RUSC2: variants seen among roughly 807,000 people sequenced by gnomAD.
RUSC2 encodes the protein RUN and SH3 domain containing 2, also known as AP-4 complex accessory subunit RUSC2.
A neutral mutation model predicts 122.2 loss-of-function variants in RUSC2; 34 were observed. The ratio of observed to expected loss-of-function variants is 0.28; its 90% CI spans 0.21 to 0.37. The LOEUF is 0.37. Among genes scored for constraint, RUSC2 ranks in the 10% least tolerant of loss-of-function variants. The pLI is 1.00. For missense variants in RUSC2, 1,747 were observed against 1,952.4 expected, an observed-to-expected ratio of 0.89 and a Z score of 1.98; for synonymous variants, 784 against 790.0, an observed-to-expected ratio of 0.99 and a Z score of 0.13.
rs1822055036 is a variant in RUSC2 at position 35,557,810 on chromosome 9, G to A, written c.2984-104G>A. ...ACCCATGTGCAGATGTGGAGACGGA[G>A]TAAGTGTGGGAGCCCTTTCCCTGAG... On this transcript the variant is annotated intron_variant, in intron 5 of 11. Coordinates refer to ENST00000361226, the MANE Select transcript of RUSC2 (RefSeq NM_014806.5). This position sits in a 1 kb window ranked among gnomAD's most constrained non-coding sequence, Gnocchi z 4.6. The A allele has an allele frequency of 3.4e-6, 3 of 890,214 alleles. No individual in the cohort carries two copies. Among genetic ancestry groups the A allele is most frequent in the Admixed American group, 1.7e-5 (1 of 57,868 alleles). 55.1% of individuals were successfully genotyped at this position (890,214 alleles called of 1,614,324 possible). A position where few individuals can be genotyped will look rare whatever the true frequency, so the allele number is the denominator to read the frequency against.
At chr9:35,517,067 A>C (rs1370778468) in intron 1 of RUSC2, among the ~76,000 whole-genome samples, 1 of 152,252 alleles carries the variant, frequency 6.6e-6, no homozygotes, top group African/African-American at 2.4e-5. Context: ...AATTTTAAAA[A>C]GATGTGGCAG....
At chr9:35,535,534 CTTT>C (rs1174623935) in intron 1 of RUSC2, among the ~76,000 whole-genome samples, 4 of 130,110 alleles carry the variant, frequency 3.1e-5, no homozygotes, top group Admixed American at 7.9e-5. Context: ...AGGAGCTTCT[CTTT>C]TTTTTTTTTT....
At chr9:35,496,877 T>C (rs1304314664) in intron 1 of RUSC2, among the ~76,000 whole-genome samples, 1 of 152,174 alleles carries the variant, frequency 6.6e-6, no homozygotes, top group African/African-American at 2.4e-5. Context: ...CAAAAGACAG[T>C]TATGTTTTTG....
At chr9:35,495,085 T>C (rs186205971) in intron 1 of RUSC2, among the ~76,000 whole-genome samples, 3,139 of 76,264 alleles carry the variant, frequency 0.041, 100 homozygotes, top group Non-Finnish European at 0.058. Flanking sequence ...ATATAGTATA[T>C]ATTATATATA....
At chr9:35,498,771 G>A (rs1820767110) in intron 1 of RUSC2, among the ~76,000 whole-genome samples, 1 of 149,886 alleles carries the variant, frequency 6.7e-6, no homozygotes, top group South Asian at 2.1e-4. Flanking sequence ...TAAGGCAGGG[G>A]AATCACTTGA....
chr9:35,510,384 A>G (rs1237764390), intron 1 of RUSC2, among the ~76,000 whole-genome samples: 1 of 152,222 alleles, frequency 6.6e-6, no homozygotes, highest in African/African-American at 2.4e-5. Context: ...GATAATTTTA[A>G]TTGCCAATAC....
At chr9:35,551,446 T>C (rs899106204) in intron 2 of RUSC2, among the ~76,000 whole-genome samples, 1 of 152,092 alleles carries the variant, frequency 6.6e-6, no homozygotes, top group African/African-American at 2.4e-5. Context: ...GGGAGATCTC[T>C]AGGGAAGGGG....
chr9:35,555,002 T>G lies in RUSC2; in HGVS notation c.2015-58T>G. The G allele has an allele frequency of 6.3e-7, 1 of 1,590,990 alleles. No individual in the cohort carries two copies. The highest frequency in any genetic ancestry group is 8.5e-7 in the Non-Finnish European group (1 of 1,172,248). ...CTCTCCCATCTCTGCTTCTGGGTTT[T>G]CTCTCATATGGGTTTCAGTGTCTGT... On this transcript the variant is annotated intron_variant, in intron 2 of 11. Transcript: ENST00000361226. This position sits in a 1 kb window ranked among gnomAD's most constrained non-coding sequence, Gnocchi z 4.6.
At chr9:35,523,255 T>C (rs542992628) in intron 1 of RUSC2, among the ~76,000 whole-genome samples, 1 of 152,346 alleles carries the variant, frequency 6.6e-6, no homozygotes, top group African/African-American at 2.4e-5. Flanking sequence ...TTTATAAAGC[T>C]AAATAACAGG....
intron 2 of RUSC2, among the ~76,000 whole-genome samples, chr9:35,550,842 G>A (rs115813261): frequency 0.011 from 1,621 of 152,020 alleles, 33 homozygotes; most frequent in African/African-American, 0.038. Context: ...TCGGGAGGCC[G>A]AGGTGCGCGG....
Position 35,547,647 on chromosome 9 carries a change from G to C in RUSC2, c.1126G>C (p.Val376Leu). 1 of 1,614,246 alleles carries C rather than the reference G, an allele frequency of 6.2e-7. No homozygotes were observed. Among genetic ancestry groups the C allele is most frequent in the East Asian group, 2.2e-5 (1 of 44,884 alleles). ...YRPHCEPCPA[V>L]ADLTACFQSQ... ...CCCACACTGTGAGCCGTGCCCAGCA[G>C]TGGCTGACCTCACAGCCTGCTTCCA... Residue 376 changes from valine to leucine, a missense_variant, in exon 2 of 12, where the codon GTG (valine) becomes CTG (leucine). Val to Leu is a conservative substitution (Grantham distance 32, BLOSUM62 1). Transcript: ENST00000361226. This position sits in a 1 kb window ranked among gnomAD's most constrained non-coding sequence, Gnocchi z 4.6.
intron 1 of RUSC2, among the ~76,000 whole-genome samples, chr9:35,532,900 A>G (rs1392118600): frequency 6.6e-6 from 1 of 152,160 alleles, no homozygotes; most frequent in Non-Finnish European, 1.5e-5. Context: ...TGGTTAAGAA[A>G]CAATGAAGGA....
chr9:35,503,020 C>G (rs1317514842), intron 1 of RUSC2, among the ~76,000 whole-genome samples: 4 of 152,054 alleles, frequency 2.6e-5, no homozygotes, highest in African/African-American at 7.2e-5. Flanking sequence ...AACACCATGG[C>G]CAACTAATGT....
At chr9:35,539,562 T>C (rs1350822595) in intron 1 of RUSC2, among the ~76,000 whole-genome samples, 1 of 117,474 alleles carries the variant, frequency 8.5e-6, no homozygotes, top group Non-Finnish European at 2.0e-5. Context: ...CACACACACA[T>C]ACATACATAC....
chr9:35,557,841 C>T lies in RUSC2; in HGVS notation c.2984-73C>T. ...GTGGGAGCCCTTTCCCTGAGGAAACCTGAGGTTTCAGCCCCAGCTGAGTTG... is the reference window on the plus strand; with the variant it reads ...GTGGGAGCCCTTTCCCTGAGGAAACTTGAGGTTTCAGCCCCAGCTGAGTTG... On this transcript the variant is annotated intron_variant, in intron 5 of 11. Transcript: ENST00000361226. This position sits in a 1 kb window ranked among gnomAD's most constrained non-coding sequence, Gnocchi z 4.6. 2 of 1,309,108 alleles carry T rather than the reference C, an allele frequency of 1.5e-6. No homozygotes were observed. The highest frequency in any genetic ancestry group is 1.2e-5 in the South Asian group (1 of 84,840). 81.1% of individuals were successfully genotyped at this position (1,309,108 alleles called of 1,614,324 possible). A position where few individuals can be genotyped will look rare whatever the true frequency, so the allele number is the denominator to read the frequency against.
At chr9:35,512,712 G>A (rs1821031008) in intron 1 of RUSC2, among the ~76,000 whole-genome samples, 1 of 152,016 alleles carries the variant, frequency 6.6e-6, no homozygotes, top group East Asian at 1.9e-4. Context: ...TTTGTTTTCT[G>A]TTTTGTTTTG....
chr9:35,555,681 T>C lies in RUSC2; in HGVS notation c.2636T>C (p.Met879Thr). The change falls in exon 3 of 12, where the codon ATG becomes ACG. Residue 879 changes from methionine to threonine, a missense_variant. By Grantham distance (81) the Met-to-Thr change is moderately conservative. Coordinates refer to ENST00000361226, the MANE Select transcript of RUSC2 (RefSeq NM_014806.5). This position sits in a 1 kb window ranked among gnomAD's most constrained non-coding sequence, Gnocchi z 4.6. ...SLARGGGEGS[M>T]ATRPSNANHL... is the part of the protein sequence containing the mutation. ...GCCCGGGGAGGTGGTGAGGGCAGCA[T>C]GGCCACCAGGCCCAGTAATGGTACG... The C allele has an allele frequency of 1.3e-6, 2 of 1,594,498 alleles. No individual in the cohort carries two copies. Among genetic ancestry groups the C allele is most frequent in the South Asian group, 1.1e-5 (1 of 90,244 alleles).
At position 35,561,166 on chromosome 9, in the gene RUSC2, G is replaced by A. The variant is rs567417995; in HGVS notation, c.4350-15G>A. 475 of 1,613,830 alleles carry A rather than the reference G, an allele frequency of 2.9e-4. 9 individuals are homozygous for A. In the South Asian group the frequency reaches 4.9e-3, roughly 17 times the overall value. On this transcript the variant is annotated splice_polypyrimidine_tract_variant and intron_variant, in intron 11 of 11. Transcript: ENST00000361226. ...TTGAGGGGGTTTCTCTGACCTCCAT[G>A]TGCTGTTTCCCCAGTGAGGTGCAGG...
rs1337749658 is a variant in RUSC2 at position 35,546,151 on chromosome 9, C to A, written c.-92-279C>A. ...TGAAAGAGAAAGGGAAAGTACTGCCCAAACCTTCATATGTGGCATTAGAAG... is the reference window on the plus strand; with the variant it reads ...TGAAAGAGAAAGGGAAAGTACTGCCAAAACCTTCATATGTGGCATTAGAAG... On this transcript the variant is annotated intron_variant, in intron 1 of 11. Transcript: ENST00000361226. The surrounding 1 kb of genome is among the most constrained non-coding windows in gnomAD (Gnocchi z 4.3). 6.6e-6 allele frequency among the ~76,000 whole-genome samples: 1 copy of A among 152,104 alleles called. No homozygotes were observed. The highest frequency in any genetic ancestry group is 2.4e-5 in the African/African-American group (1 of 41,396).
Sources: allele counts gnomAD v4.1 joint callset (sites outside exome capture counted in the v4.1 genomes callset), GRCh38; gene constraint gnomAD v4.1.1; non-coding constraint Gnocchi (gnomAD v3.1); transcripts MANE v1.5; gene names NCBI Gene and HGNC (gene_info 2026-07-23, HGNC 2026-07-21).